The following OPRM1 variants were observed in gnomAD, a reference collection of about 807,000 sequenced individuals.
OPRM1 encodes the protein opioid receptor mu 1, also known as mu-type opioid receptor.
In OPRM1, 27 loss-of-function variants were observed where a neutral mutation model predicts 31.8. The ratio of observed to expected loss-of-function variants is 0.85; its 90% CI spans 0.63 to 1.17. The LOEUF is 1.17. Ranked by LOEUF, OPRM1 falls within the 50% of genes most tolerant of loss-of-function variation. The probability of loss-of-function intolerance (pLI) is 0.00; values close to 1 mark genes in which losing one functional copy is unlikely to be tolerated. For synonymous variants in OPRM1, 196 were observed against 189.9 expected, an observed-to-expected ratio of 1.03 and a Z score of -0.26; for missense variants, 536 against 511.1, an observed-to-expected ratio of 1.05 and a Z score of -0.47.
chr6:154,112,279 G>A (rs925795324), intron 3 of OPRM1, among the ~76,000 whole-genome samples: 5 of 152,174 alleles, frequency 3.3e-5, no homozygotes, highest in South Asian at 2.1e-4. Flanking sequence ...TAGCAAGCAA[G>A]TAGCTTGGCT....
intron 3 of OPRM1, among the ~76,000 whole-genome samples, chr6:154,200,960 T>C (rs1006054614): frequency 1.3e-5 from 2 of 152,090 alleles, no homozygotes; most frequent in East Asian, 1.9e-4. Flanking sequence ...TGGGAGGTGA[T>C]TGGATCATGG....
downstream of OPRM1, among the ~76,000 whole-genome samples, chr6:154,132,895 G>C (rs995688837): frequency 6.6e-6 from 1 of 152,126 alleles, no homozygotes; most frequent in African/African-American, 2.4e-5. Context: ...CCTGAGGTGG[G>C]TGGATCACGA....
chr6:154,082,211 A>C (rs188212611), intron 1 of OPRM1, among the ~76,000 whole-genome samples: 8 of 152,248 alleles, frequency 5.3e-5, no homozygotes, highest in African/African-American at 1.9e-4. Context: ...CCAAGCCCTT[A>C]TTTCTTTATT....
At chr6:154,066,520 C>T (rs1052788977) in intron 1 of OPRM1, among the ~76,000 whole-genome samples, 1 of 151,364 alleles carries the variant, frequency 6.6e-6, no homozygotes, top group Non-Finnish European at 1.5e-5. Flanking sequence ...CCCTCCCATC[C>T]CCCCCAAAAA....
intron 3 of OPRM1, among the ~76,000 whole-genome samples, chr6:154,191,355 G>A (rs1473599467): frequency 6.6e-6 from 1 of 152,058 alleles, no homozygotes; most frequent in Non-Finnish European, 1.5e-5. Context: ...AAAACCCATA[G>A]AACTGTATGA....
intron 3 of OPRM1, among the ~76,000 whole-genome samples, chr6:154,171,228 T>A (rs2350876): frequency 6.6e-6 from 1 of 152,164 alleles, no homozygotes; most frequent in African/African-American, 2.4e-5. Context: ...GTTCATCAGC[T>A]GATGAAAGGA....
rs192080558 is a variant in OPRM1 at position 154,091,986 on chromosome 6, C to T, written c.1164+514C>T. The stretch of plus-strand genomic sequence containing the variant: ...AAAGGAGAAAAGATTAAAAAATGAC[C>T]ATCCCTAACTTTTCTTAAGCTATTG... On this transcript the variant is annotated intron_variant, in intron 3 of 3. Coordinates refer to ENST00000330432, the MANE Select transcript of OPRM1 (RefSeq NM_000914.5). 42 of 972,660 alleles carry T rather than the reference C, an allele frequency of 4.3e-5. No homozygotes were observed. The African/African-American group carries it at 6.7e-4, about 15-fold the overall frequency. The allele number at this position is 972,660 out of a possible 1,614,324, so 60.3% of individuals were successfully genotyped here.
At chr6:154,107,496 A>C (rs1376788145) in intron 3 of OPRM1, 1 of 718,484 alleles carries the variant, frequency 1.4e-6, no homozygotes, top group Non-Finnish European at 2.6e-6. Flanking sequence ...CACTGTGAAA[A>C]TGCAAAGCCT....
chr6:154,157,978 CAT>C (rs1304667316), intron 3 of OPRM1: 2 of 152,270 alleles, frequency 1.3e-5, no homozygotes, highest in Non-Finnish European at 1.5e-5. Flanking sequence ...GAAGTACCCA[CAT>C]GTTTGCTGGG....
chr6:154,143,682 A>G (rs980968983), intron 3 of OPRM1, among the ~76,000 whole-genome samples: 2 of 152,252 alleles, frequency 1.3e-5, no homozygotes, highest in Non-Finnish European at 2.9e-5. Context: ...TGATTGGGCT[A>G]TGAGGGTTTC....
At chr6:154,143,426 T>C (rs1798273121) in intron 3 of OPRM1, among the ~76,000 whole-genome samples, 1 of 152,214 alleles carries the variant, frequency 6.6e-6, no homozygotes, top group Admixed American at 6.5e-5. Flanking sequence ...AAATTATTGG[T>C]CATGATGTAA....
chr6:154,088,726 T>C (rs1791262645), intron 1 of OPRM1, among the ~76,000 whole-genome samples: 1 of 152,144 alleles, frequency 6.6e-6, no homozygotes, highest in African/African-American at 2.4e-5. Flanking sequence ...CATTAAAAAA[T>C]AAAAACAAAG....
intron 3 of OPRM1, among the ~76,000 whole-genome samples, chr6:154,246,416 C>T (rs2128642615): frequency 6.6e-6 from 1 of 152,332 alleles, no homozygotes; most frequent in South Asian, 2.1e-4. Flanking sequence ...CCATAAAACA[C>T]AGAAGCATAA....
chr6:154,195,938 T>C (rs1432419397), intron 3 of OPRM1, among the ~76,000 whole-genome samples: 1 of 151,890 alleles, frequency 6.6e-6, no homozygotes, highest in Admixed American at 6.6e-5. Flanking sequence ...ATTACAGGTG[T>C]GTGCCACCAT....
intron 3 of OPRM1, among the ~76,000 whole-genome samples, chr6:154,099,363 G>GAGAGAGAAAGAA (rs1554274965): frequency 5.9e-4 from 87 of 148,306 alleles, no homozygotes; most frequent in Middle Eastern, 3.4e-3. Flanking sequence ...GAGAGAGAGA[G>GAGAGAGAAAGAA]AGAGAAAGAA....
intron 3 of OPRM1, chr6:154,212,792 T>C (rs1451948815): frequency 6.2e-7 from 1 of 1,612,798 alleles, no homozygotes; most frequent in Non-Finnish European, 8.5e-7. Context: ...CTGGGAAGCG[T>C]GAGGAGGGGG....
At chr6:154,181,313 G>A (rs1473297372) in intron 3 of OPRM1, among the ~76,000 whole-genome samples, 2 of 152,078 alleles carry the variant, frequency 1.3e-5, no homozygotes, top group Non-Finnish European at 2.9e-5. Context: ...CATACATTGA[G>A]TTTTTACTAT....
At chr6:154,179,962 G>C (rs1800691323) in intron 3 of OPRM1, among the ~76,000 whole-genome samples, 1 of 152,074 alleles carries the variant, frequency 6.6e-6, no homozygotes, top group South Asian at 2.1e-4. Flanking sequence ...GGAATTGCTG[G>C]TCCATGAACC....
At chr6:154,056,854 A>T (rs74448972) in intron 1 of OPRM1, among the ~76,000 whole-genome samples, 1 of 152,230 alleles carries the variant, frequency 6.6e-6, no homozygotes, top group African/African-American at 2.4e-5. Context: ...TATCAACATT[A>T]TAATTTCATT....
Sources: gnomAD v4.1 joint callset for allele counts (sites outside exome capture counted in the v4.1 genomes callset) on GRCh38, gnomAD v4.1.1 for gene constraint, MANE v1.5 for transcripts, NCBI Gene and HGNC (gene_info 2026-07-23, HGNC 2026-07-21) for gene names.